MED12L: variants seen among roughly 807,000 people sequenced by gnomAD.
MED12L encodes the protein mediator complex subunit 12L.
A neutral mutation model predicts 281.3 loss-of-function variants in MED12L; 60 were observed. The ratio of observed to expected loss-of-function variants is 0.21; its 90% CI spans 0.17 to 0.26. MED12L has a LOEUF of 0.26. Among genes scored for constraint, MED12L ranks in the 10% least tolerant of loss-of-function variants. The pLI is 1.00. For synonymous variants in MED12L, 974 were observed against 987.2 expected, an observed-to-expected ratio of 0.99 and a Z score of 0.25; for missense variants, 2,146 against 2,680.9, an observed-to-expected ratio of 0.80 and a Z score of 4.41.
chr3:151,246,462 C>T (rs979178085), intron 16 of MED12L, among the ~76,000 whole-genome samples: 38 of 152,008 alleles, frequency 2.5e-4, no homozygotes, highest in African/African-American at 3.1e-4. Flanking sequence ...TCAGAAATAA[C>T]GCCGCATATC....
At chr3:151,297,256 T>G (rs1160238726) in intron 16 of MED12L, among the ~76,000 whole-genome samples, 1 of 152,240 alleles carries the variant, frequency 6.6e-6, no homozygotes, top group East Asian at 1.9e-4. Flanking sequence ...AATGACGTGT[T>G]GTAGTCTTGG....
chr3:151,356,150 G>A (rs554295104), intron 19 of MED12L, 111 bp downstream of exon 19: 89 of 1,093,766 alleles, frequency 8.1e-5, no homozygotes, highest in African/African-American at 7.4e-4. Flanking sequence ...TTGTAATCCT[G>A]GCACTTTGGG....
chr3:151,265,186 G>A (rs1169770746), intron 16 of MED12L, among the ~76,000 whole-genome samples: 3 of 152,302 alleles, frequency 2.0e-5, no homozygotes, highest in African/African-American at 7.2e-5. Context: ...AGTTAATAAT[G>A]GTTGAGCCAA....
intron 2 of MED12L, among the ~76,000 whole-genome samples, chr3:151,114,727 CAAT>C (rs747348172): frequency 6.7e-6 from 1 of 150,312 alleles, no homozygotes; most frequent in Non-Finnish European, 1.5e-5. Context: ...TTCCATAACT[CAAT>C]GATAATCTGG....
chr3:151,178,782 T>G (rs1272084728), intron 11 of MED12L, among the ~76,000 whole-genome samples: 1 of 152,188 alleles, frequency 6.6e-6, no homozygotes, highest in African/African-American at 2.4e-5. Context: ...GTAAATTGGG[T>G]AGGCACTCAG....
intron 16 of MED12L, among the ~76,000 whole-genome samples, chr3:151,267,105 C>T (rs1282735276): frequency 6.6e-6 from 1 of 152,202 alleles, no homozygotes; most frequent in African/African-American, 2.4e-5. Flanking sequence ...CGTGTTAGAA[C>T]TCCTTACATT....
At chr3:151,128,217 C>G (rs1714829624) in intron 5 of MED12L, among the ~76,000 whole-genome samples, 1 of 152,192 alleles carries the variant, frequency 6.6e-6, no homozygotes, top group African/African-American at 2.4e-5. Context: ...AATCTGAACA[C>G]TTTTCACCAC....
At chr3:151,270,827 A>G (rs1740803200) in intron 16 of MED12L, among the ~76,000 whole-genome samples, 1 of 152,192 alleles carries the variant, frequency 6.6e-6, no homozygotes, top group Non-Finnish European at 1.5e-5. Context: ...CTGCCACTCG[A>G]TGGGACAATC....
chr3:151,245,983 A>G (rs1559931333), intron 16 of MED12L, among the ~76,000 whole-genome samples: 1 of 150,930 alleles, frequency 6.6e-6, no homozygotes, highest in Non-Finnish European at 1.5e-5. Context: ...GCAACAGACA[A>G]ACAGAGAGCC....
At chr3:151,158,485 T>C (rs1404386030) in intron 6 of MED12L, among the ~76,000 whole-genome samples, 1 of 152,072 alleles carries the variant, frequency 6.6e-6, no homozygotes, top group Non-Finnish European at 1.5e-5. Flanking sequence ...TTTCTCAATT[T>C]GGAGCAGATT....
intron 16 of MED12L, among the ~76,000 whole-genome samples, chr3:151,276,418 T>G (rs2043947422): frequency 6.6e-6 from 1 of 152,244 alleles, no homozygotes; most frequent in African/African-American, 2.4e-5. Context: ...CTAGACAGCC[T>G]TCTGCAGGTG....
rs112145227 is a variant in MED12L at position 151,284,887 on chromosome 3, C to T, written c.2251-65172C>T. Among the ~76,000 whole-genome samples, 980 of 152,190 alleles carry T rather than the reference C, an allele frequency of 6.4e-3. 7 individuals carry two copies. Among genetic ancestry groups the T allele is most frequent in the South Asian group, 0.012 (60 of 4,810 alleles). ...CCTCCCAAAGTGCTGGGATTACAGG[C>T]GTGAGCCACTGTGCCCAGCCCAAAA... On this transcript the variant is annotated intron_variant, in intron 16 of 44. Coordinates refer to ENST00000687756, the MANE Select transcript of MED12L (RefSeq NM_001393769.1).
chr3:151,159,384 G>C (rs1719701266), intron 7 of MED12L, among the ~76,000 whole-genome samples: 1 of 152,142 alleles, frequency 6.6e-6, no homozygotes, highest in Admixed American at 6.5e-5. Flanking sequence ...ATAGGTTCCT[G>C]TGTCTCTCCC....
At chr3:151,165,066 A>G (rs1466836728) in intron 9 of MED12L, among the ~76,000 whole-genome samples, 1 of 152,148 alleles carries the variant, frequency 6.6e-6, no homozygotes, top group East Asian at 1.9e-4. Flanking sequence ...TCTTTTCCCA[A>G]GCAGTTTTCT....
At chr3:151,390,179 CT>C (rs1158880370) in intron 38 of MED12L, 44 bp downstream of exon 38, 1 of 1,585,096 alleles carries the variant, frequency 6.3e-7, no homozygotes, top group East Asian at 2.2e-5. Context: ...TGAGAAACAG[CT>C]TGTGGTTCTC....
intron 39 of MED12L, among the ~76,000 whole-genome samples, chr3:151,401,308 C>T (rs1459608011): frequency 6.6e-6 from 1 of 151,062 alleles, no homozygotes; most frequent in African/African-American, 2.4e-5. Context: ...TTAACTGTTA[C>T]AGTAAACATT....
At chr3:151,215,332 T>C (rs780249667) in intron 16 of MED12L, among the ~76,000 whole-genome samples, 3 of 152,142 alleles carry the variant, frequency 2.0e-5, no homozygotes, top group Non-Finnish European at 4.4e-5. Flanking sequence ...AAGTATAAAA[T>C]GCACACTAGA....
At chr3:151,263,288 A>T (rs1739239702) in intron 16 of MED12L, among the ~76,000 whole-genome samples, 1 of 152,166 alleles carries the variant, frequency 6.6e-6, no homozygotes, top group Non-Finnish European at 1.5e-5. Flanking sequence ...ATGCCAGCTG[A>T]GTGGACCTCC....
chr3:151,334,344 C>G (rs1750722691), intron 16 of MED12L, among the ~76,000 whole-genome samples: 1 of 151,212 alleles, frequency 6.6e-6, no homozygotes, highest in African/African-American at 2.4e-5. Context: ...TGTAATCACA[C>G]CTTGAGTGTT....
Sources: allele counts gnomAD v4.1 joint callset (sites outside exome capture counted in the v4.1 genomes callset), GRCh38; gene constraint gnomAD v4.1.1; transcripts MANE v1.5; gene names NCBI Gene and HGNC (gene_info 2026-07-23, HGNC 2026-07-21).